JADE1: variants seen among roughly 807,000 people sequenced by gnomAD.
JADE1 encodes jade family PHD finger 1.
JADE1 carries 14 observed loss-of-function variants against 81.8 expected under a neutral mutation model. That is an observed-to-expected ratio of 0.17 (90% CI 0.11 to 0.27). The LOEUF (loss-of-function observed/expected upper bound fraction) is 0.27, where lower values mean the gene tolerates loss of function less well. Ranked by LOEUF, JADE1 falls within the 10% of genes least tolerant of loss-of-function variation. The pLI is 1.00. For synonymous variants in JADE1, 353 were observed against 391.9 expected (o/e 0.90, Z 1.17); for missense variants, 690 against 1,047.9 (o/e 0.66, Z 4.71).
At position 128,862,135 on chromosome 4, in the gene JADE1, AGAT is replaced by A; in HGVS notation, c.1416_1418del (p.Asp472del). 1 of 1,614,226 alleles carries A rather than the reference AGAT, an allele frequency of 6.2e-7. No homozygotes were observed. The highest frequency in any genetic ancestry group is 1.1e-5 in the South Asian group (1 of 91,092). On this transcript the variant is annotated inframe_deletion, in exon 9 of 11. Transcript: ENST00000226319. Reference sequence around the variant, plus strand: ...ACAAGCCCCTGATCACCCCAAAGAAAGATGAAGAGGACAATCTAGCCAAGCGGG... The same window carrying A: ...ACAAGCCCCTGATCACCCCAAAGAAAGAAGAGGACAATCTAGCCAAGCGGG...
chr4:128,869,619 G>T (rs1414578624), intron 10 of JADE1, among the ~76,000 whole-genome samples: 1 of 152,190 alleles, frequency 6.6e-6, no homozygotes, highest in Non-Finnish European at 1.5e-5. Context: ...GCATTTCATG[G>T]CTGAGGTTTT....
intron 4 of JADE1, 108 bp from the exon 5 acceptor site, chr4:128,848,872 A>C (rs899406410): frequency 2.9e-6 from 3 of 1,034,062 alleles, no homozygotes; most frequent in Non-Finnish European, 4.4e-6. Flanking sequence ...TCTGGTGATG[A>C]CCTGGGGCTC....
chr4:128,821,865 T>C lies in JADE1; in HGVS notation c.-26-9868T>C, dbSNP rs112539004. On this transcript the variant is annotated intron_variant, in intron 1 of 10. Transcript: ENST00000226319. ...TAATTTTCTTGTCTGGGTTAGTTTT[T>C]TTCTATTATTATTGCATATATTTTA... 5.5e-3 allele frequency among the ~76,000 whole-genome samples: 845 copies of C among 152,254 alleles called. 13 individuals carry two copies. Among genetic ancestry groups the C allele is most frequent in the African/African-American group, 0.019 (791 of 41,556 alleles).
intron 1 of JADE1, among the ~76,000 whole-genome samples, chr4:128,822,953 T>C (rs1727719479): frequency 6.6e-6 from 1 of 152,172 alleles, no homozygotes; most frequent in South Asian, 2.1e-4. Context: ...AGTTAGCCTG[T>C]TTTTCTCCCC....
Position 128,834,697 on chromosome 4 carries a change from C to T in JADE1, c.52+2887C>T, listed in dbSNP as rs189643191. ...TACAGGTGTCCGCCACTGCACCCGG[C>T]TACTTTTTTGTATTTTTTAGTAGAG... is the stretch of plus-strand genomic sequence containing the variant. On this transcript the variant is annotated intron_variant, in intron 2 of 10. Transcript: ENST00000226319. 1.1e-4 allele frequency among the ~76,000 whole-genome samples: 17 copies of T among 151,984 alleles called. No individual in the cohort carries two copies. In the East Asian group the frequency reaches 2.3e-3, roughly 21 times the overall value.
At chr4:128,815,151 C>CCGCCTCCCTGTAAGCTT (rs1256843192) in intron 1 of JADE1, among the ~76,000 whole-genome samples, 6 of 144,766 alleles carry the variant, frequency 4.1e-5, no homozygotes, top group Non-Finnish European at 7.4e-5. Context: ...CCTGTAAGCT[C>CCGCCTCCCTGTAAGCTT]CGCCTCCCTG....
chr4:128,849,904 T>TG lies in JADE1; in HGVS notation c.484+738dup, dbSNP rs547708630. ...AGTGGAGTCAAGTCTGGGCTCAGTG[T>TG]GAAAAACTGTGAGGATTAATTAGCT... On this transcript the variant is annotated intron_variant, in intron 5 of 10. Coordinates refer to ENST00000226319, the MANE Select transcript of JADE1 (RefSeq NM_199320.4). 3.9e-5 allele frequency among the ~76,000 whole-genome samples: 6 copies of TG among 152,262 alleles called. 1 individual carries two copies. In the South Asian group the frequency reaches 1.2e-3, roughly 32 times the overall value.
At chr4:128,815,662 T>C (rs1726965570) in intron 1 of JADE1, among the ~76,000 whole-genome samples, 1 of 152,142 alleles carries the variant, frequency 6.6e-6, no homozygotes, top group Non-Finnish European at 1.5e-5. Flanking sequence ...TCCTGTCTCT[T>C]TAGGGTTTGG....
intron 4 of JADE1, among the ~76,000 whole-genome samples, chr4:128,848,572 C>T (rs921812292): frequency 6.6e-5 from 10 of 152,120 alleles, no homozygotes; most frequent in South Asian, 2.1e-4. Context: ...GAGTCTGCTG[C>T]GCCTGCCCTG....
In JADE1 at chr4:128,873,367, G is replaced by C. The variant is rs1214974077; in HGVS notation, c.*1105G>C. 1 of 152,278 alleles carries C rather than the reference G, an allele frequency of 6.6e-6. No homozygotes were observed. The highest frequency in any genetic ancestry group is 1.5e-5 in the Non-Finnish European group (1 of 68,120). 9.4% of individuals were successfully genotyped at this position (152,278 alleles called of 1,614,324 possible). A position where few individuals can be genotyped will look rare whatever the true frequency, so the allele number is the denominator to read the frequency against. On this transcript the variant is annotated 3_prime_UTR_variant, in exon 11 of 11. Coordinates refer to ENST00000226319, the MANE Select transcript of JADE1 (RefSeq NM_199320.4). ...ATAGAAAGGCAATAAGTTGCGATAA[G>C]CTCTTACTATTGACCAAGGTTATAC... is the stretch of plus-strand genomic sequence containing the variant.
At chr4:128,831,912 G>A in intron 2 of JADE1, 102 bp downstream of exon 2, 2 of 1,033,146 alleles carry the variant, frequency 1.9e-6, no homozygotes, top group Non-Finnish European at 3.0e-6. Context: ...CCCTTTGCAT[G>A]TCAGGCAGGT....
intron 10 of JADE1, among the ~76,000 whole-genome samples, chr4:128,868,837 C>A (rs1043195043): frequency 1.3e-5 from 2 of 152,146 alleles, no homozygotes; most frequent in African/African-American, 4.8e-5. Context: ...AGGTCTTAGA[C>A]TGGACTTCAT....
At chr4:128,812,407 G>A (rs1374421262) in intron 1 of JADE1, among the ~76,000 whole-genome samples, 1 of 151,880 alleles carries the variant, frequency 6.6e-6, no homozygotes, top group Non-Finnish European at 1.5e-5. Flanking sequence ...AGCGTTCGCC[G>A]CTGCGGGGCG....
intron 2 of JADE1, among the ~76,000 whole-genome samples, chr4:128,832,894 G>A (rs1728669661): frequency 6.6e-6 from 1 of 152,222 alleles, no homozygotes; most frequent in African/African-American, 2.4e-5. Flanking sequence ...ATGAAAAACA[G>A]AACTCAATGT....
At chr4:128,858,855 A>G (rs1002291165) in intron 8 of JADE1, among the ~76,000 whole-genome samples, 4 of 151,920 alleles carry the variant, frequency 2.6e-5, no homozygotes, top group African/African-American at 7.3e-5. Context: ...TGATCCACCC[A>G]CCTCGGCCTC....
intron 1 of JADE1, among the ~76,000 whole-genome samples, chr4:128,823,947 G>A (rs2125809613): frequency 6.6e-6 from 1 of 152,260 alleles, no homozygotes; most frequent in East Asian, 1.9e-4. Context: ...ATTTTATTGT[G>A]AAGTTATAGG....
chr4:128,841,224 G>T (rs1240539885), intron 2 of JADE1, among the ~76,000 whole-genome samples: 2 of 152,176 alleles, frequency 1.3e-5, no homozygotes, highest in African/African-American at 4.8e-5. Context: ...GGTACAGTAG[G>T]TGTTCAGGAT....
chr4:128,868,481 TTGAC>T (rs912551133), intron 10 of JADE1, among the ~76,000 whole-genome samples: 1 of 152,022 alleles, frequency 6.6e-6, no homozygotes, highest in Non-Finnish European at 1.5e-5. Flanking sequence ...AGATGGATTG[TTGAC>T]TATTTCTGAG....
At chr4:128,845,879 GT>G (rs58117516) in intron 3 of JADE1, among the ~76,000 whole-genome samples, 2,104 of 151,788 alleles carry the variant, frequency 0.014, 49 homozygotes, top group African/African-American at 0.047. Context: ...AGCCAAGACT[GT>G]GTTACCGCAC....
Sources: allele counts gnomAD v4.1 joint callset (sites outside exome capture counted in the v4.1 genomes callset), GRCh38; gene constraint gnomAD v4.1.1; transcripts MANE v1.5; gene names NCBI Gene and HGNC (gene_info 2026-07-23, HGNC 2026-07-21).